CALN1: variants seen among roughly 807,000 people sequenced by gnomAD.
CALN1 encodes calcium-binding protein 8.
Under a neutral mutation model 30.6 loss-of-function variants are expected in CALN1, and 17 were observed. The observed-to-expected ratio is 0.56, with a 90% confidence interval of 0.38 to 0.83. CALN1 has a LOEUF of 0.83. Among genes scored for constraint, CALN1 ranks in the 40% least tolerant of loss-of-function variants. The pLI is 0.00. For synonymous variants in CALN1, 156 were observed against 131.4 expected (o/e 1.19, Z -1.28); for missense variants, 291 against 354.9 (o/e 0.82, Z 1.45).
At chr7:71,959,114 C>G (rs1371949793) in intron 5 of CALN1, among the ~76,000 whole-genome samples, 1 of 152,192 alleles carries the variant, frequency 6.6e-6, no homozygotes, top group Non-Finnish European at 1.5e-5. Context: ...AGAAAGCAAA[C>G]TGAATGGCTT....
intron 2 of CALN1, among the ~76,000 whole-genome samples, chr7:72,396,604 T>C (rs1805978101): frequency 6.6e-6 from 1 of 152,058 alleles, no homozygotes; most frequent in South Asian, 2.1e-4. Flanking sequence ...GTCCTTGGAC[T>C]TGGGAAAGGA....
intron 3 of CALN1, among the ~76,000 whole-genome samples, chr7:72,108,773 T>G (rs1807354179): frequency 7.2e-6 from 1 of 139,638 alleles, no homozygotes; most frequent in Admixed American, 7.2e-5. Flanking sequence ...ATAGCCCAAG[T>G]CCCTATTAAA....
chr7:72,467,513 G>T, the CALN1 span, among the ~76,000 whole-genome samples: 1 of 152,130 alleles, frequency 6.6e-6, no homozygotes, highest in East Asian at 1.9e-4. Flanking sequence ...CAGCTGGCTG[G>T]TGGCGGTCTC....
chr7:71,882,188 A>T (rs1164699334), intron 5 of CALN1, among the ~76,000 whole-genome samples: 3 of 152,202 alleles, frequency 2.0e-5, no homozygotes, highest in Non-Finnish European at 4.4e-5. Flanking sequence ...GGCTGCCTGC[A>T]TCCCTTGGCT....
chr7:72,331,874 G>A (rs1801702032), intron 2 of CALN1, among the ~76,000 whole-genome samples: 1 of 130,262 alleles, frequency 7.7e-6, no homozygotes, highest in Non-Finnish European at 1.8e-5. Flanking sequence ...CCCTCTAACA[G>A]GCCCCAGTGT....
intron 3 of CALN1, among the ~76,000 whole-genome samples, chr7:72,153,981 G>A (rs549404140): frequency 6.6e-6 from 1 of 152,260 alleles, no homozygotes; most frequent in South Asian, 2.1e-4. Flanking sequence ...CGGGGCAGTG[G>A]AGTGGACACT....
chr7:72,456,105 A>C, the CALN1 span, among the ~76,000 whole-genome samples: 1 of 151,632 alleles, frequency 6.6e-6, no homozygotes, highest in African/African-American at 2.4e-5. Flanking sequence ...AATCACTTGA[A>C]CCTGGGAGGC....
At chr7:72,383,225 A>ACGG (rs1228357442) in intron 2 of CALN1, among the ~76,000 whole-genome samples, 3 of 152,200 alleles carry the variant, frequency 2.0e-5, no homozygotes, top group African/African-American at 4.8e-5. Flanking sequence ...AATGAACGTA[A>ACGG]CGGTACATGT....
chr7:72,168,805 A>ATTTT (rs3030351), intron 3 of CALN1, among the ~76,000 whole-genome samples: 9 of 128,476 alleles, frequency 7.0e-5, no homozygotes, highest in East Asian at 6.5e-4. Flanking sequence ...TATTATTATT[A>ATTTT]TTTTTTTTTT....
intron 5 of CALN1, among the ~76,000 whole-genome samples, chr7:71,948,399 G>C (rs1045915858): frequency 9.9e-5 from 15 of 152,122 alleles, no homozygotes; most frequent in African/African-American, 3.4e-4. Flanking sequence ...CCTTCTAAGA[G>C]AGAGTCATCA....
At chr7:72,081,257 G>A (rs1563040420) in intron 4 of CALN1, among the ~76,000 whole-genome samples, 1 of 152,134 alleles carries the variant, frequency 6.6e-6, no homozygotes, top group Non-Finnish European at 1.5e-5. Context: ...GGTTATGTTA[G>A]CAGAAACTTC....
chr7:71,781,040 C>CT lies in CALN1; in HGVS notation c.*6734dup, dbSNP rs1255746843. 1.3e-5 allele frequency: 2 copies of CT among 152,242 alleles called. No homozygotes were observed. Among genetic ancestry groups the CT allele is most frequent in the South Asian group, 4.1e-4 (2 of 4,836 alleles). 9.4% of individuals were successfully genotyped at this position (152,242 alleles called of 1,614,324 possible). On this transcript the variant is annotated 3_prime_UTR_variant, in exon 7 of 7. Coordinates refer to ENST00000395275, the MANE Select transcript of CALN1 (RefSeq NM_031468.4). ...CAGACAGCGGACACCAAAAGAGAGA[C>CT]TTTATCACAACTGCCTCTTGGGACT...
intron 2 of CALN1, among the ~76,000 whole-genome samples, chr7:72,314,549 G>A (rs1800303255): frequency 1.3e-5 from 2 of 150,502 alleles, no homozygotes; most frequent in Non-Finnish European, 3.0e-5. Flanking sequence ...TCAGCCTCCC[G>A]AGTAGCTGGA....
At chr7:72,205,199 GCTTTT>G (rs1476623431) in intron 3 of CALN1, among the ~76,000 whole-genome samples, 2 of 150,218 alleles carry the variant, frequency 1.3e-5, no homozygotes, top group Admixed American at 6.6e-5. Context: ...TTTTATTTTT[GCTTTT>G]CTTTTGTTTT....
At chr7:72,361,719 G>C (rs1436807931) in intron 2 of CALN1, among the ~76,000 whole-genome samples, 1 of 152,156 alleles carries the variant, frequency 6.6e-6, no homozygotes, top group Non-Finnish European at 1.5e-5. Context: ...AGAACAAGGA[G>C]AAAGAAGTAA....
chr7:72,348,346 A>AT (rs148206643), intron 2 of CALN1, among the ~76,000 whole-genome samples: 3,199 of 152,294 alleles, frequency 0.021, 48 homozygotes, highest in Non-Finnish European at 0.028. Flanking sequence ...TCGTTTCTGT[A>AT]TCGCTGCAGA....
At chr7:72,156,516 G>A (rs780591265) in intron 3 of CALN1, among the ~76,000 whole-genome samples, 1 of 152,162 alleles carries the variant, frequency 6.6e-6, no homozygotes, top group Non-Finnish European at 1.5e-5. Flanking sequence ...GACTGGCCTG[G>A]AGGCAAGACT....
chr7:71,909,583 A>T (rs1335233967), intron 5 of CALN1, among the ~76,000 whole-genome samples: 1 of 152,222 alleles, frequency 6.6e-6, no homozygotes, highest in Non-Finnish European at 1.5e-5. Flanking sequence ...GATTGAGAGA[A>T]TGAAATTAGG....
At chr7:72,219,867 C>G (rs1342142990) in intron 3 of CALN1, among the ~76,000 whole-genome samples, 1 of 152,006 alleles carries the variant, frequency 6.6e-6, no homozygotes, top group Non-Finnish European at 1.5e-5. Context: ...CTGGAATGAA[C>G]AAGAGCTACC....
Sources: allele counts gnomAD v4.1 joint callset (sites outside exome capture counted in the v4.1 genomes callset), GRCh38; gene constraint gnomAD v4.1.1; transcripts MANE v1.5; gene names NCBI Gene and HGNC (gene_info 2026-07-23, HGNC 2026-07-21).